The following PLAUR variants were observed in gnomAD, a reference collection of about 807,000 sequenced individuals.
The protein encoded by PLAUR is plasminogen activator, urokinase receptor, also known as urokinase plasminogen activator surface receptor.
PLAUR carries 22 observed loss-of-function variants against 33.4 expected under a neutral mutation model. The ratio of observed to expected loss-of-function variants is 0.66; its 90% CI spans 0.47 to 0.94. PLAUR has a LOEUF of 0.94. Ranked by LOEUF, PLAUR falls within the 40% of genes least tolerant of loss-of-function variation. PLAUR has a pLI of 0.00. For synonymous variants in PLAUR, 148 were observed against 167.3 expected (o/e 0.88, Z 0.89); for missense variants, 408 against 434.7 (o/e 0.94, Z 0.55).
intron 5 of PLAUR, among the ~76,000 whole-genome samples, chr19:43,654,353 A>T (rs972813001): frequency 6.6e-6 from 1 of 152,126 alleles, no homozygotes; most frequent in Admixed American, 6.6e-5. Flanking sequence ...CAGGTGCCAG[A>T]TTACATAGGC....
chr19:43,646,256 A>G, downstream of PLAUR: 1 of 533,266 alleles, frequency 1.9e-6, no homozygotes, highest in Admixed American at 3.3e-5. Flanking sequence ...ATGTTTTGAT[A>G]TAGGCACACA....
At chr19:43,663,365 C>G (rs1178539190) in intron 3 of PLAUR, among the ~76,000 whole-genome samples, 1 of 149,612 alleles carries the variant, frequency 6.7e-6, no homozygotes, top group East Asian at 2.0e-4. Flanking sequence ...GACTGTGAGT[C>G]CCATGGAGTC....
chr19:43,662,212 TG>T (rs1314838305), intron 3 of PLAUR, among the ~76,000 whole-genome samples: 1 of 148,266 alleles, frequency 6.7e-6, no homozygotes, highest in Non-Finnish European at 1.5e-5. Context: ...AAAATATAAA[TG>T]GGGGCCGGGC....
intron 6 of PLAUR, among the ~76,000 whole-genome samples, chr19:43,649,672 AGAAGGAAGGAAGGGAG>A (rs1973910938): frequency 6.6e-6 from 1 of 150,448 alleles, no homozygotes; most frequent in Non-Finnish European, 1.5e-5. Flanking sequence ...GAGAAGGGAA[AGAAGGAAGGAAGGGAG>A]GAAGGAAGGA....
chr19:43,655,154 G>A (rs1974150459), intron 5 of PLAUR, among the ~76,000 whole-genome samples: 1 of 151,776 alleles, frequency 6.6e-6, no homozygotes, highest in South Asian at 2.1e-4. Flanking sequence ...GTGGGCACCT[G>A]TAATCCCAGC....
intron 3 of PLAUR, among the ~76,000 whole-genome samples, chr19:43,657,416 A>G (rs1468870676): frequency 6.6e-6 from 1 of 151,924 alleles, no homozygotes; most frequent in Non-Finnish European, 1.5e-5. Flanking sequence ...CCTCCACTAC[A>G]CCCTGAGACT....
Position 43,665,329 on chromosome 19 carries a change from G to A in PLAUR, c.297C>T (p.Asn99=). 3.1e-6 allele frequency: 5 copies of A among 1,613,964 alleles called. No homozygotes were observed. Among genetic ancestry groups the A allele is most frequent in the Non-Finnish European group, 4.2e-6 (5 of 1,179,980 alleles). The change falls in exon 3 of 7, where the codon AAC becomes AAT. Residue 99 remains asparagine (N), a synonymous_variant. Transcript: ENST00000340093. ...TEVVCGLDLC[N]QGNSGRAVTY... ...TGCCCTACTCACCAGAGTTGCCCTG[G>A]TTGCACAAGTCTAACCCACACACAA...
downstream of PLAUR, chr19:43,646,581 T>G (rs1321277088): frequency 1.4e-6 from 1 of 715,434 alleles, no homozygotes; most frequent in South Asian, 1.5e-5. Context: ...TGAAAGTTTC[T>G]TAAAACTTGG....
intron 4 of PLAUR, among the ~76,000 whole-genome samples, chr19:43,656,105 T>C (rs1436950967): frequency 2.6e-5 from 4 of 151,744 alleles, no homozygotes; most frequent in African/African-American, 9.7e-5. Flanking sequence ...ATACAAAAAT[T>C]AGCAAGGCGT....
chr19:43,656,687 T>A (rs775853945), intron 3 of PLAUR, 47 bp from the exon 4 acceptor site: 1 of 1,486,312 alleles, frequency 6.7e-7, no homozygotes, highest in East Asian at 2.4e-5. Context: ...GGGACAGTCC[T>A]GGAGCCCCAG....
intron 3 of PLAUR, among the ~76,000 whole-genome samples, chr19:43,658,779 G>A (rs1474907466): frequency 3.3e-5 from 5 of 152,088 alleles, no homozygotes; most frequent in Non-Finnish European, 7.3e-5. Context: ...GTAATTAGGC[G>A]AATCATTTAC....
chr19:43,646,697 C>G (rs910423763), downstream of PLAUR: 1 of 594,046 alleles, frequency 1.7e-6, no homozygotes, highest in South Asian at 2.0e-5. Flanking sequence ...CTTCTTTAAG[C>G]CACTACAGTG....
At chr19:43,653,060 G>A (rs888866854) in intron 5 of PLAUR, among the ~76,000 whole-genome samples, 2 of 151,964 alleles carry the variant, frequency 1.3e-5, no homozygotes, top group East Asian at 3.9e-4. Flanking sequence ...CGACCCTCCC[G>A]CCTCCGCCTC....
At chr19:43,649,423 C>T (rs1229371660) in intron 6 of PLAUR, among the ~76,000 whole-genome samples, 2 of 151,980 alleles carry the variant, frequency 1.3e-5, no homozygotes, top group Non-Finnish European at 2.9e-5. Context: ...AGCTGTAGTC[C>T]CAGCTACTTG....
intron 3 of PLAUR, among the ~76,000 whole-genome samples, chr19:43,664,693 G>A (rs1013643530): frequency 2.0e-5 from 3 of 152,128 alleles, no homozygotes; most frequent in African/African-American, 7.2e-5. Flanking sequence ...AGCCTACTGC[G>A]GCCCATTTAA....
At position 43,650,040 on chromosome 19, in the gene PLAUR, C is replaced by T. The variant is rs187730314; in HGVS notation, c.755-897G>A. Among the ~76,000 whole-genome samples the T allele has an allele frequency of 3.3e-3, 474 of 144,818 alleles. 4 individuals carry two copies. Among genetic ancestry groups the T allele is most frequent in the African/African-American group, 0.011 (411 of 38,126 alleles). ...TTTGTTTTTTTTTTTGAGATGGAGTCTCACTCTGTCACCCAGGCTGGAGTG... is the reference window on the plus strand; with the variant it reads ...TTTGTTTTTTTTTTTGAGATGGAGTTTCACTCTGTCACCCAGGCTGGAGTG... On this transcript the variant is annotated intron_variant, in intron 6 of 6. Coordinates refer to ENST00000340093, the MANE Select transcript of PLAUR (RefSeq NM_002659.4).
At chr19:43,646,464 T>C, downstream of PLAUR, 1 of 718,288 alleles carries the variant, frequency 1.4e-6, no homozygotes, top group Non-Finnish European at 2.6e-6. Context: ...CATTTATACA[T>C]GAGTAGCTTG....
chr19:43,650,017 TG>T (rs797007114), intron 6 of PLAUR, among the ~76,000 whole-genome samples: 4,542 of 136,432 alleles, frequency 0.033, 258 homozygotes, highest in East Asian at 0.15. Context: ...GCTTTTTTTT[TG>T]TTTTTTTTTT....
intron 2 of PLAUR, 28 bp downstream of exon 2, chr19:43,667,552 AG>A: frequency 6.9e-7 from 1 of 1,453,336 alleles, no homozygotes; most frequent in Non-Finnish European, 9.7e-7. Flanking sequence ...GCTGCGCTGG[AG>A]GGGTGTGTGG....
Sources: allele counts gnomAD v4.1 joint callset (sites outside exome capture counted in the v4.1 genomes callset), GRCh38; gene constraint gnomAD v4.1.1; transcripts MANE v1.5; gene names NCBI Gene and HGNC (gene_info 2026-07-23, HGNC 2026-07-21).